Variants in APP observed in about 807,000 individuals in gnomAD.
APP encodes the protein amyloid-beta precursor protein.
Under a neutral mutation model 101.4 loss-of-function variants are expected in APP, and 31 were observed. The observed-to-expected ratio is 0.31, with a 90% CI of 0.23 to 0.41. The LOEUF is 0.41. Ranked by LOEUF, APP falls within the 10% of genes least tolerant of loss-of-function variation. The probability of loss-of-function intolerance (pLI) is 1.00; values close to 1 mark genes in which losing one functional copy is unlikely to be tolerated. For missense variants in APP, 839 were observed against 1,003.7 expected, an observed-to-expected ratio of 0.84 and a Z score of 2.22; for synonymous variants, 366 against 364.4, an observed-to-expected ratio of 1.00 and a Z score of -0.05.
At chr21:26,028,653 A>G (rs1055004759) in intron 5 of APP, among the ~76,000 whole-genome samples, 1 of 152,192 alleles carries the variant, frequency 6.6e-6, no homozygotes, top group African/African-American at 2.4e-5. Context: ...AAAAGTGGCA[A>G]TGCATTCATT....
chr21:26,117,536 G>A (rs901347410), intron 1 of APP, among the ~76,000 whole-genome samples: 54 of 152,308 alleles, frequency 3.5e-4, no homozygotes, highest in Admixed American at 2.6e-4. Context: ...AAGGGCACCA[G>A]GTAAGGATAT....
intron 2 of APP, among the ~76,000 whole-genome samples, chr21:26,110,219 T>C (rs561096039): frequency 6.6e-6 from 1 of 152,206 alleles, no homozygotes; most frequent in East Asian, 1.9e-4. Context: ...CTGACATGGG[T>C]GGATCACAAT....
intron 2 of APP, among the ~76,000 whole-genome samples, chr21:26,108,630 G>A (rs1241226091): frequency 6.6e-6 from 1 of 152,124 alleles, no homozygotes; most frequent in Non-Finnish European, 1.5e-5. Flanking sequence ...GCTCACGCCT[G>A]TAATCCCAGC....
intron 3 of APP, among the ~76,000 whole-genome samples, chr21:26,055,089 A>G (rs1460542420): frequency 2.0e-5 from 3 of 152,188 alleles, no homozygotes; most frequent in South Asian, 4.1e-4. Context: ...AAAATGATCA[A>G]TGATGCCCAT....
chr21:25,918,599 T>C lies in APP; in HGVS notation c.1688-6637A>G, dbSNP rs550194414. Among the ~76,000 whole-genome samples, 20 of 151,994 alleles carry C rather than the reference T, an allele frequency of 1.3e-4. 1 individual carries two copies. Among genetic ancestry groups the C allele is most frequent in the Admixed American group, 5.3e-4 (8 of 15,070 alleles). ...GCAAGGGGTCAGGGAGTTCCCTTTC[T>C]GAGTCAAAGAAAGGGGTGACAGACG... On this transcript the variant is annotated intron_variant, in intron 13 of 17. Transcript: ENST00000346798.
At chr21:25,926,741 T>A (rs1020086482) in intron 13 of APP, among the ~76,000 whole-genome samples, 2 of 152,096 alleles carry the variant, frequency 1.3e-5, no homozygotes, top group Non-Finnish European at 2.9e-5. Flanking sequence ...GAAACTAATA[T>A]TAAAGAAGCA....
intron 8 of APP, among the ~76,000 whole-genome samples, chr21:25,989,227 C>T (rs2042762260): frequency 6.6e-6 from 1 of 152,362 alleles, no homozygotes; most frequent in East Asian, 1.9e-4. Context: ...CTCTCCTAGC[C>T]TGTCTGAAGA....
intron 1 of APP, among the ~76,000 whole-genome samples, chr21:26,166,914 GAAAGAGACAGAGGGT>G (rs1204239589): frequency 3.9e-5 from 5 of 129,448 alleles, no homozygotes; most frequent in African/African-American, 1.7e-4. Flanking sequence ...GAAAGAGAGA[GAAAGAGACAGAGGGT>G]GTGTGTGTGT....
Position 25,997,343 on chromosome 21 carries a change from G to A in APP, c.1090+17C>T. On this transcript the variant is annotated intron_variant, in intron 8 of 17. Transcript: ENST00000346798. ...CCTCCTCCCCTCTTCCCTTCCCTCAGGTGAATGACAACGTACGTTTAACAG... is the reference window on the plus strand; with the variant it reads ...CCTCCTCCCCTCTTCCCTTCCCTCAAGTGAATGACAACGTACGTTTAACAG... The A allele has an allele frequency of 1.2e-6, 2 of 1,611,958 alleles. No individual in the cohort carries two copies. The highest frequency in any genetic ancestry group is 1.7e-6 in the Non-Finnish European group (2 of 1,178,030).
chr21:26,140,305 C>A, intron 1 of APP: 3 of 1,532,046 alleles, frequency 2.0e-6, no homozygotes, highest in Non-Finnish European at 2.6e-6. Flanking sequence ...TTGACCCAGG[C>A]CAGAGCTTCC....
chr21:25,963,266 G>A (rs1317876121), intron 11 of APP, among the ~76,000 whole-genome samples: 1 of 152,190 alleles, frequency 6.6e-6, no homozygotes, highest in African/African-American at 2.4e-5. Flanking sequence ...AGTCACGTCT[G>A]AATATGTAGC....
intron 11 of APP, among the ~76,000 whole-genome samples, chr21:25,958,036 A>T (rs1297952086): frequency 6.6e-6 from 1 of 152,146 alleles, no homozygotes; most frequent in Non-Finnish European, 1.5e-5. Flanking sequence ...ATTGCTTTTC[A>T]TCATAACTTC....
rs368159818 is a variant in APP, at chr21:25,905,048, C to G, written c.1939G>C (p.Asp647His). ...VEPVDARPAA[D>H]RGLTTRPGSG... ...CCTGGTCGAGTGGTCAGTCCTCGGT[C>G]GGCAGCAGGGCGGGCATCAACAGGC... Residue 647 changes from aspartate to histidine, a missense_variant, in exon 15 of 18, where the codon GAC (aspartate) becomes CAC (histidine). By Grantham distance (81) the Asp-to-His change is moderately conservative. Transcript: ENST00000346798. 1 of 1,613,652 alleles carries G rather than the reference C, an allele frequency of 6.2e-7. No homozygotes were observed. Among genetic ancestry groups the G allele is most frequent in the South Asian group, 1.1e-5 (1 of 90,964 alleles).
intron 1 of APP, among the ~76,000 whole-genome samples, chr21:26,156,394 TAATC>T (rs2063376241): frequency 6.6e-6 from 1 of 152,206 alleles, no homozygotes; most frequent in Non-Finnish European, 1.5e-5. Flanking sequence ...CAACAGATAT[TAATC>T]AATAAAATAT....
chr21:25,956,475 C>A (rs940601638), intron 11 of APP, among the ~76,000 whole-genome samples: 2 of 152,122 alleles, frequency 1.3e-5, no homozygotes, highest in Non-Finnish European at 2.9e-5. Context: ...AAACTAAGGA[C>A]AAAGATTCCC....
chr21:26,059,890 C>CAAAAAAAAAAAAAAAAAAAAAAAAAA (rs57594630), intron 3 of APP, among the ~76,000 whole-genome samples: 1 of 70,660 alleles, frequency 1.4e-5, no homozygotes, highest in African/African-American at 5.4e-5. Flanking sequence ...GACTCCGTCT[C>CAAAAAAAAAAAAAAAAAAAAAAAAAA]AAAAAAAAAA....
intron 15 of APP, chr21:25,897,987 T>A: frequency 2.6e-6 from 1 of 391,876 alleles, no homozygotes; most frequent in Non-Finnish European, 4.7e-6. Flanking sequence ...CAAGGATTTG[T>A]TCCTGGAATA....
At chr21:26,097,851 C>T (rs890124133) in intron 2 of APP, among the ~76,000 whole-genome samples, 8 of 152,136 alleles carry the variant, frequency 5.3e-5, no homozygotes, top group Admixed American at 2.0e-4. Flanking sequence ...GAGGCCAAGA[C>T]GGGTGGATCA....
intron 11 of APP, among the ~76,000 whole-genome samples, chr21:25,969,196 A>C (rs535375419): frequency 1.5e-3 from 226 of 151,140 alleles, no homozygotes; most frequent in African/African-American, 5.3e-3. Context: ...AAAAAAAAAA[A>C]CATTAGCCAG....
Sources: gnomAD v4.1 joint callset for allele counts (sites outside exome capture counted in the v4.1 genomes callset) on GRCh38, gnomAD v4.1.1 for gene constraint, MANE v1.5 for transcripts, NCBI Gene and HGNC (gene_info 2026-07-23, HGNC 2026-07-21) for gene names.